Variants in EXD3 observed in about 807,000 individuals in gnomAD.
The protein encoded by EXD3 is exonuclease 3'-5' domain containing 3, also known as exonuclease mut-7 homolog.
In EXD3, 92 loss-of-function variants were observed where a neutral mutation model predicts 98.0. That is an observed-to-expected ratio of 0.94 (90% confidence interval 0.79 to 1.12). The LOEUF (loss-of-function observed/expected upper bound fraction) is 1.12. EXD3 is among the 50% of genes most tolerant of loss of function. EXD3 has a pLI of 0.00. For synonymous variants in EXD3, 569 were observed against 526.0 expected, an observed-to-expected ratio of 1.08 and a Z score of -1.12; for missense variants, 1,222 against 1,191.6, an observed-to-expected ratio of 1.03 and a Z score of -0.38.
chr9:137,364,958 C>A (rs1333586528), intron 7 of EXD3, among the ~76,000 whole-genome samples: 1 of 151,636 alleles, frequency 6.6e-6, no homozygotes, highest in East Asian at 1.9e-4. Flanking sequence ...TTAGTAGAAA[C>A]GGGGTTTCAC....
intron 3 of EXD3, chr9:137,374,452 G>T: frequency 1.8e-6 from 1 of 559,308 alleles, no homozygotes; most frequent in South Asian, 7.8e-5. Context: ...CGATGTGGAT[G>T]GTGTGCTCTC....
Position 137,349,528 on chromosome 9 carries a change from G to T in EXD3, c.1498C>A (p.Arg500=). 2 of 1,587,258 alleles carry T rather than the reference G, an allele frequency of 1.3e-6. No homozygotes were observed. Among genetic ancestry groups the T allele is most frequent in the Non-Finnish European group, 1.7e-6 (2 of 1,170,198 alleles). The part of the protein sequence containing the change: ...MDLLLVHRQM[R]VASVPAPAVD... Reference sequence around the variant, plus strand: ...GCTGGGGCTGGCACGCTCGCCACCCGCATCTGCTAAGACAGTGCCCTGCAG... The same window carrying T: ...GCTGGGGCTGGCACGCTCGCCACCCTCATCTGCTAAGACAGTGCCCTGCAG... The change falls in exon 15 of 22, where the codon CGG becomes AGG. Residue 500 remains arginine, a synonymous_variant. Coordinates refer to ENST00000340951, the MANE Select transcript of EXD3 (RefSeq NM_017820.5). This position sits in a 1 kb window ranked among gnomAD's most constrained non-coding sequence, Gnocchi z 7.4.
chr9:137,364,770 GTTT>G (rs34642939), intron 7 of EXD3, among the ~76,000 whole-genome samples: 6 of 132,128 alleles, frequency 4.5e-5, no homozygotes, highest in South Asian at 2.4e-4. Flanking sequence ...TTTGTTCTAT[GTTT>G]TTTTTTTTTT....
Position 137,351,453 on chromosome 9 carries a change from G to A in EXD3, c.1249C>T (p.Leu417=), listed in dbSNP as rs1834300348. The change falls in exon 13 of 22, where the codon CTG becomes TTG. Residue 417 remains leucine, a synonymous_variant. Coordinates refer to ENST00000340951, the MANE Select transcript of EXD3 (RefSeq NM_017820.5). ...VAGGRPRPSL[L]QVAVEGHVFL... ...ACGTGGCCCTCCACGGCCACCTGCA[G>A]GAGTGACGGCCGAGGCCGGCCCCCA... is the stretch of plus-strand genomic sequence containing the variant. 1.2e-6 allele frequency: 2 copies of A among 1,603,864 alleles called. No homozygotes were observed. The highest frequency in any genetic ancestry group is 1.3e-5 in the African/African-American group (1 of 74,752).
intron 1 of EXD3, among the ~76,000 whole-genome samples, chr9:137,419,600 C>T (rs912989668): frequency 3.3e-5 from 5 of 151,932 alleles, no homozygotes; most frequent in East Asian, 3.9e-4. Context: ...ACCTGGGAGG[C>T]GGAGGTTGCA....
chr9:137,354,254 C>T, intron 10 of EXD3, 85 bp downstream of exon 10: 2 of 1,564,516 alleles, frequency 1.3e-6, no homozygotes, highest in Non-Finnish European at 1.7e-6. Flanking sequence ...GCTCTGCGCA[C>T]TTCCACCAGG....
chr9:137,345,454 G>T (rs902635696), intron 17 of EXD3, among the ~76,000 whole-genome samples: 2 of 152,124 alleles, frequency 1.3e-5, no homozygotes, highest in Non-Finnish European at 2.9e-5. Context: ...CTGAGGTCAG[G>T]AATTCGAGAC....
intron 10 of EXD3, chr9:137,353,358 C>A: frequency 1.0e-6 from 1 of 985,422 alleles, no homozygotes; most frequent in Non-Finnish European, 1.2e-6. Context: ...GGAGCCCGGG[C>A]ATGTTTTCTG....
intron 2 of EXD3, among the ~76,000 whole-genome samples, chr9:137,384,509 G>A (rs1030107856): frequency 2.0e-5 from 3 of 152,232 alleles, no homozygotes; most frequent in East Asian, 1.9e-4. Flanking sequence ...AGCGTGAGAC[G>A]TGGTGCTCAG....
chr9:137,357,133 C>T (rs1834833477), intron 7 of EXD3: 1 of 152,394 alleles, frequency 6.6e-6, no homozygotes, highest in South Asian at 2.1e-4. Context: ...ATTCCTGCCC[C>T]TCTGATGTGG....
chr9:137,312,123 G>A (rs1455950252), intron 19 of EXD3, among the ~76,000 whole-genome samples: 5 of 152,226 alleles, frequency 3.3e-5, no homozygotes, highest in Non-Finnish European at 5.9e-5. Flanking sequence ...ACTCCAGGGT[G>A]CCGTCGGGTC....
intron 1 of EXD3, among the ~76,000 whole-genome samples, chr9:137,418,492 C>A (rs538922871): frequency 4.6e-5 from 7 of 152,268 alleles, no homozygotes; most frequent in South Asian, 2.1e-4. Flanking sequence ...ATATTTACAT[C>A]TGTTAACAAA....
chr9:137,352,622 C>T lies in EXD3; in HGVS notation c.1035G>A (p.Gly345=), dbSNP rs368455269. ...GGGGTCACCCTGGCGGCGCTCACCT[C>T]CCCTGGAGCCTGAACCGGCGGAGTT... ...AVELRRFRLQ[G]RATEADSRLE... The change falls in exon 11 of 22, where the codon GGG becomes GGA. Residue 345 remains glycine (G), a splice_region_variant and synonymous_variant. Coordinates refer to ENST00000340951, the MANE Select transcript of EXD3 (RefSeq NM_017820.5). The T allele has an allele frequency of 5.5e-4, 843 of 1,543,980 alleles. 6 individuals carry two copies. In the South Asian group the frequency reaches 7.9e-3, roughly 15 times the overall value.
At chr9:137,420,412 A>T (rs1191263775) in intron 1 of EXD3, among the ~76,000 whole-genome samples, 1 of 152,194 alleles carries the variant, frequency 6.6e-6, no homozygotes, top group Non-Finnish European at 1.5e-5. Flanking sequence ...GAAGCGATTC[A>T]TGAGTATTCT....
At position 137,354,782 on chromosome 9, in the gene EXD3, A is replaced by G. The variant is rs745338469; in HGVS notation, c.758-9T>C. On this transcript the variant is annotated splice_polypyrimidine_tract_variant and intron_variant, in intron 8 of 21. Transcript: ENST00000340951. Reference sequence around the variant, plus strand: ...CGCGTTGGGACACAGCGCTGAAAGGAAAGGCCAGCTCAGCACTGAGGGCTC... The same window carrying G: ...CGCGTTGGGACACAGCGCTGAAAGGGAAGGCCAGCTCAGCACTGAGGGCTC... The G allele has an allele frequency of 1.1e-5, 17 of 1,608,008 alleles. No individual in the cohort carries two copies. Among genetic ancestry groups the G allele is most frequent in the Non-Finnish European group, 1.4e-5 (17 of 1,179,046 alleles).
intron 9 of EXD3, 160 bp from the exon 10 acceptor site, chr9:137,354,537 TC>T: frequency 2.0e-6 from 3 of 1,534,848 alleles, no homozygotes; most frequent in Non-Finnish European, 2.6e-6. Context: ...CCCCATGGCC[TC>T]CCCTTCACCC....
intron 1 of EXD3, among the ~76,000 whole-genome samples, chr9:137,406,804 C>T (rs1401671407): frequency 6.6e-6 from 1 of 152,086 alleles, no homozygotes; most frequent in Non-Finnish European, 1.5e-5. Context: ...GTGTCTGTGT[C>T]CCGACCCCCA....
Position 137,350,810 on chromosome 9 carries a change from GC to G in EXD3, c.1494+227del, listed in dbSNP as rs1199129589. Among the ~76,000 whole-genome samples the G allele has an allele frequency of 4.6e-5, 7 of 152,048 alleles. No individual in the cohort carries two copies. The South Asian group carries it at 8.3e-4, about 18-fold the overall frequency. ...GAAGGTGCCCTCACACCAGATAACG[GC>G]CCCACAGGGGCTCAGGGATGCCTGC... On this transcript the variant is annotated intron_variant, in intron 14 of 21. Transcript: ENST00000340951.
intron 2 of EXD3, among the ~76,000 whole-genome samples, chr9:137,384,188 C>G (rs887795495): frequency 1.3e-5 from 2 of 152,222 alleles, no homozygotes; most frequent in Admixed American, 6.5e-5. Flanking sequence ...AGGACGGGAA[C>G]AGGGAAGGCC....
Sources: allele counts gnomAD v4.1 joint callset (sites outside exome capture counted in the v4.1 genomes callset), GRCh38; gene constraint gnomAD v4.1.1; non-coding constraint Gnocchi (gnomAD v3.1); transcripts MANE v1.5; gene names NCBI Gene and HGNC (gene_info 2026-07-23, HGNC 2026-07-21).